The following PTCHD4 variants were observed in gnomAD, a reference collection of about 807,000 sequenced individuals.
PTCHD4 encodes the protein patched domain-containing protein 4.
In PTCHD4, 33 loss-of-function variants were observed where a neutral mutation model predicts 58.1. That is an observed-to-expected ratio of 0.57 (90% CI 0.43 to 0.76). PTCHD4 has a LOEUF of 0.76. Among genes scored for constraint, PTCHD4 ranks in the 30% least tolerant of loss-of-function variants. PTCHD4 has a pLI of 0.00. For synonymous variants in PTCHD4, 478 were observed against 409.6 expected, an observed-to-expected ratio of 1.17 and a Z score of -2.02; for missense variants, 1,058 against 1,027.1, an observed-to-expected ratio of 1.03 and a Z score of -0.41.
chr6:47,981,309 T>G (rs1265430516), intron 4 of PTCHD4, among the ~76,000 whole-genome samples: 1 of 152,134 alleles, frequency 6.6e-6, no homozygotes, highest in Non-Finnish European at 1.5e-5. Context: ...TCGCTCTTGT[T>G]TATTTTGTAT....
rs1460833138 is a variant in PTCHD4, at chr6:47,868,616, G to A, written c.*9687C>T. Among the ~76,000 whole-genome samples, 1 of 151,654 alleles carries A rather than the reference G, an allele frequency of 6.6e-6. No homozygotes were observed. Among genetic ancestry groups the A allele is most frequent in the East Asian group, 1.9e-4 (1 of 5,142 alleles). ...TTGCCATTTTTAAAATAAAATCAGT[G>A]GAGAATTTCAACTTGAAGCACATAT... On this transcript the variant is annotated 3_prime_UTR_variant, in exon 5 of 5. Coordinates refer to ENST00000339488, the MANE Select transcript of PTCHD4 (RefSeq NM_001384253.1).
At chr6:48,045,143 T>C (rs1763989293) in intron 3 of PTCHD4, among the ~76,000 whole-genome samples, 1 of 151,766 alleles carries the variant, frequency 6.6e-6, no homozygotes, top group African/African-American at 2.4e-5. Context: ...ATCCTCAAGA[T>C]TTTACCCCTC....
intron 1 of PTCHD4, among the ~76,000 whole-genome samples, chr6:48,075,740 A>G (rs1765053081): frequency 6.6e-6 from 1 of 152,224 alleles, no homozygotes; most frequent in South Asian, 2.1e-4. Context: ...AAAAATGTAC[A>G]TAGCTTAATT....
intron 4 of PTCHD4, chr6:47,891,006 G>A (rs1034638115): frequency 7.1e-6 from 2 of 281,454 alleles, no homozygotes; most frequent in African/African-American, 4.7e-5. Flanking sequence ...TCAGGAGTTT[G>A]AGACCAGCTT....
At chr6:47,959,978 T>A (rs879375555) in intron 4 of PTCHD4, among the ~76,000 whole-genome samples, 2 of 151,992 alleles carry the variant, frequency 1.3e-5, no homozygotes, top group Non-Finnish European at 2.9e-5. Flanking sequence ...TTTAAGAAGA[T>A]AGTTGACTTT....
chr6:47,893,335 G>A (rs1201648481), intron 4 of PTCHD4, among the ~76,000 whole-genome samples: 1 of 152,130 alleles, frequency 6.6e-6, no homozygotes. Flanking sequence ...AAATGTGTTA[G>A]ACTTTTGTTC....
chr6:48,062,932 C>T (rs2113871348), intron 3 of PTCHD4, among the ~76,000 whole-genome samples: 1 of 152,286 alleles, frequency 6.6e-6, no homozygotes, highest in East Asian at 1.9e-4. Context: ...AAGCTGACGC[C>T]TACATTGGTG....
At chr6:47,910,280 A>G (rs898966922) in intron 4 of PTCHD4, among the ~76,000 whole-genome samples, 1 of 152,170 alleles carries the variant, frequency 6.6e-6, no homozygotes, top group Non-Finnish European at 1.5e-5. Flanking sequence ...CAAGACGTCC[A>G]TTGCCATATG....
intron 4 of PTCHD4, among the ~76,000 whole-genome samples, chr6:47,990,101 C>T (rs1768224757): frequency 6.6e-6 from 1 of 152,254 alleles, no homozygotes; most frequent in Non-Finnish European, 1.5e-5. Context: ...TTTGACTGCC[C>T]TGCTGGATTT....
rs531711201 is a variant in PTCHD4, at chr6:48,008,730, T to C, written c.802A>G (p.Thr268Ala). The change falls in exon 4 of 5, where the codon ACA becomes GCA. Residue 268 changes from threonine (T) to alanine (A), a missense_variant. By Grantham distance (58) the Thr-to-Ala change is moderately conservative. Transcript: ENST00000339488. ...GCTGTGATGATGGAGATGCATACTG[T>C]GAGCACCCCCAGGAGGCCCAGGAAG... The part of the protein sequence containing the change: ...KPFLGLLGVL[T>A]VCISIITAAG... The C allele has an allele frequency of 1.2e-6, 2 of 1,613,912 alleles. No homozygotes were observed. Among genetic ancestry groups the C allele is most frequent in the Admixed American group, 1.7e-5 (1 of 59,968 alleles).
rs1214903003 is a variant in PTCHD4, at chr6:47,877,294, C to G, written c.*1009G>C. ...TGTAACTATGGAGTACCCCAACTCA[C>G]ATACACATACTTGTGCACCCTTAGA... On this transcript the variant is annotated 3_prime_UTR_variant, in exon 5 of 5. Transcript: ENST00000339488. Among the ~76,000 whole-genome samples the G allele has an allele frequency of 3.9e-5, 6 of 152,010 alleles. No homozygotes were observed.
At chr6:47,922,685 T>C (rs1765474296) in intron 4 of PTCHD4, among the ~76,000 whole-genome samples, 1 of 152,232 alleles carries the variant, frequency 6.6e-6, no homozygotes, top group Admixed American at 6.5e-5. Flanking sequence ...TTTGTGCATG[T>C]TCACAGCTGG....
chr6:47,917,362 A>G (rs912697696), intron 4 of PTCHD4, among the ~76,000 whole-genome samples: 1 of 152,154 alleles, frequency 6.6e-6, no homozygotes. Context: ...GTCACTCTAC[A>G]CAGTCTAAAT....
chr6:48,050,095 A>G (rs1269792055), intron 3 of PTCHD4, among the ~76,000 whole-genome samples: 3 of 152,152 alleles, frequency 2.0e-5, no homozygotes, highest in South Asian at 4.1e-4. Context: ...TACATTGTTA[A>G]TAGAAAAAGG....
At chr6:47,928,479 G>A (rs1020318434) in intron 4 of PTCHD4, among the ~76,000 whole-genome samples, 2 of 152,120 alleles carry the variant, frequency 1.3e-5, no homozygotes, top group African/African-American at 2.4e-5. Context: ...GTTACTTTTA[G>A]CATTTTCTTT....
intron 4 of PTCHD4, among the ~76,000 whole-genome samples, chr6:47,888,288 C>T (rs764860129): frequency 8.5e-5 from 13 of 152,066 alleles, no homozygotes; most frequent in Admixed American, 2.0e-4. Flanking sequence ...ACCCGAGAGG[C>T]GGAGCTTGCA....
intron 4 of PTCHD4, among the ~76,000 whole-genome samples, chr6:47,942,672 C>G (rs1766278199): frequency 6.6e-6 from 1 of 152,204 alleles, no homozygotes; most frequent in Non-Finnish European, 1.5e-5. Context: ...ATAACCAGAT[C>G]TCCTCATACT....
chr6:48,079,226 G>A (rs1032443967), intron 1 of PTCHD4, among the ~76,000 whole-genome samples: 9 of 151,936 alleles, frequency 5.9e-5, no homozygotes, highest in African/African-American at 1.9e-4. Context: ...ACTGTACCCA[G>A]AGAGAAACCT....
At chr6:47,890,796 A>C in intron 4 of PTCHD4, 3 of 593,118 alleles carry the variant, frequency 5.1e-6, no homozygotes, top group Non-Finnish European at 6.4e-6. Context: ...GCACCACTGC[A>C]GAGCCAGCAC....
Sources: allele counts gnomAD v4.1 joint callset (sites outside exome capture counted in the v4.1 genomes callset), GRCh38; gene constraint gnomAD v4.1.1; transcripts MANE v1.5; gene names NCBI Gene and HGNC (gene_info 2026-07-23, HGNC 2026-07-21).